The following FANK1 variants were observed in gnomAD, a reference collection of about 807,000 sequenced individuals.
FANK1 encodes fibronectin type 3 and ankyrin repeat domains protein 1.
A neutral mutation model predicts 45.3 loss-of-function variants in FANK1; 44 were observed. The observed-to-expected ratio is 0.97, with a 90% CI of 0.76 to 1.25. The LOEUF (loss-of-function observed/expected upper bound fraction) is 1.25. Among genes scored for constraint, FANK1 ranks in the 50% most tolerant of loss-of-function variants. The pLI is 0.00. For synonymous variants in FANK1, 149 were observed against 152.5 expected, an observed-to-expected ratio of 0.98 and a Z score of 0.17; for missense variants, 391 against 424.4, an observed-to-expected ratio of 0.92 and a Z score of 0.69.
intron 1 of FANK1, among the ~76,000 whole-genome samples, chr10:125,978,515 G>A (rs1039171305): frequency 1.3e-5 from 2 of 151,612 alleles, no homozygotes; most frequent in South Asian, 4.2e-4. Context: ...TGGACAGCTC[G>A]GGCAGGGGTG....
chr10:125,918,585 A>AATATATATATATAT lies in FANK1; in HGVS notation c.13+21940_13+21953dup, dbSNP rs1197525883. On this transcript the variant is annotated intron_variant, in intron 1 of 10. Transcript: ENST00000368693. ...AAAAAAAAAAAAAAAAAAAAAAAAAAATATATATATATATATATATATAGT... is the reference window on the plus strand; with the variant it reads ...AAAAAAAAAAAAAAAAAAAAAAAAAAATATATATATATATATATATATATATATATATATATAGT... 5.8e-4 allele frequency among the ~76,000 whole-genome samples: 41 copies of AATATATATATATAT among 70,972 alleles called. 1 individual carries two copies. The highest frequency in any genetic ancestry group is 2.5e-3 in the African/African-American group (32 of 12,596). 46.6% of individuals were successfully genotyped at this position (70,972 alleles called of 152,430 possible). A position where few individuals can be genotyped will look rare whatever the true frequency, so the allele number is the denominator to read the frequency against.
At chr10:125,944,324 A>T (rs1365479711) in intron 1 of FANK1, among the ~76,000 whole-genome samples, 1 of 152,220 alleles carries the variant, frequency 6.6e-6, no homozygotes, top group Non-Finnish European at 1.5e-5. Flanking sequence ...AATAAAAGTC[A>T]TATTTGTCCT....
chr10:125,937,183 G>A (rs116287142), intron 1 of FANK1, among the ~76,000 whole-genome samples: 520 of 152,262 alleles, frequency 3.4e-3, no homozygotes, highest in African/African-American at 0.012. Context: ...TAGGTTATAT[G>A]GTATGTATGT....
At chr10:125,903,481 C>G (rs1213871138) in intron 1 of FANK1, among the ~76,000 whole-genome samples, 2 of 152,248 alleles carry the variant, frequency 1.3e-5, no homozygotes, top group South Asian at 2.1e-4. Flanking sequence ...TCTTCCAGGC[C>G]TTTTCTTGGG....
chr10:125,984,120 C>G (rs1415858426), intron 2 of FANK1, among the ~76,000 whole-genome samples: 1 of 152,156 alleles, frequency 6.6e-6, no homozygotes, highest in Non-Finnish European at 1.5e-5. Context: ...AGTGATGCTG[C>G]TGGAAGCATC....
intron 3 of FANK1, chr10:125,994,457 T>C: frequency 1.0e-6 from 1 of 985,250 alleles, no homozygotes; most frequent in Admixed American, 6.1e-5. Flanking sequence ...CGTTTGCGGA[T>C]GAGGGGCTGG....
intron 3 of FANK1, chr10:125,994,824 A>G: frequency 1.0e-6 from 1 of 985,082 alleles, no homozygotes; most frequent in Non-Finnish European, 1.2e-6. Flanking sequence ...TTGTTCTTTT[A>G]GGCTTCTGGA....
At chr10:125,924,716 G>A (rs532213138) in intron 1 of FANK1, among the ~76,000 whole-genome samples, 1 of 151,438 alleles carries the variant, frequency 6.6e-6, no homozygotes, top group African/African-American at 2.4e-5. Flanking sequence ...GGCTGAGGTG[G>A]GAGGCTCACT....
chr10:125,915,257 A>G (rs1047908641), intron 1 of FANK1, among the ~76,000 whole-genome samples: 2 of 138,780 alleles, frequency 1.4e-5, no homozygotes, highest in Non-Finnish European at 3.1e-5. Flanking sequence ...GAAAACTATC[A>G]TTCATATAGA....
chr10:125,953,735 G>A (rs1949398680), intron 1 of FANK1, among the ~76,000 whole-genome samples: 1 of 152,136 alleles, frequency 6.6e-6, no homozygotes, highest in East Asian at 1.9e-4. Flanking sequence ...TAGCTTTGTG[G>A]TTCAGATGCT....
rs1459199607 is a variant in FANK1 at position 126,009,192 on chromosome 10, A to AT, written c.928-29dup. 3 of 1,614,078 alleles carry AT rather than the reference A, an allele frequency of 1.9e-6. No homozygotes were observed. The African/African-American group carries it at 4.0e-5, about 22-fold the overall frequency. Reference sequence around the variant, plus strand: ...GGAGGGGGAGAAAACATTTATAAGCATGTAAAATTTTTGTTGTTTCCTGTT... The same window carrying AT: ...GGAGGGGGAGAAAACATTTATAAGCATTGTAAAATTTTTGTTGTTTCCTGTT... On this transcript the variant is annotated intron_variant, in intron 9 of 10. Transcript: ENST00000368693.
intron 2 of FANK1, among the ~76,000 whole-genome samples, chr10:125,984,951 T>C (rs911669490): frequency 1.3e-5 from 2 of 152,258 alleles, no homozygotes; most frequent in African/African-American, 4.8e-5. Context: ...TCCCTGCGCC[T>C]GTGTTGTAAT....
intron 1 of FANK1, among the ~76,000 whole-genome samples, chr10:125,931,683 C>A (rs866315581): frequency 6.6e-6 from 1 of 152,186 alleles, no homozygotes; most frequent in Non-Finnish European, 1.5e-5. Flanking sequence ...GCTGACTGTT[C>A]TTTTGCCATG....
chr10:125,984,962 C>T (rs986684852), intron 2 of FANK1, among the ~76,000 whole-genome samples: 6 of 152,214 alleles, frequency 3.9e-5, no homozygotes, highest in African/African-American at 1.2e-4. Context: ...GTGTTGTAAT[C>T]GCTGTAGAGT....
chr10:125,971,069 TTAG>T (rs1950486566), intron 1 of FANK1, among the ~76,000 whole-genome samples: 1 of 152,222 alleles, frequency 6.6e-6, no homozygotes, highest in African/African-American at 2.4e-5. Context: ...TGTTCATGTA[TTAG>T]TAGTAAATTC....
intron 1 of FANK1, among the ~76,000 whole-genome samples, chr10:125,945,620 A>C (rs568942601): frequency 6.6e-6 from 1 of 152,318 alleles, no homozygotes; most frequent in South Asian, 2.1e-4. Context: ...AATCTCGCTG[A>C]CTGCTAGCAC....
intron 1 of FANK1, among the ~76,000 whole-genome samples, chr10:125,950,931 G>A (rs1379750413): frequency 8.6e-5 from 13 of 151,044 alleles, no homozygotes; most frequent in African/African-American, 1.5e-4. Flanking sequence ...TGATGAGTTC[G>A]CGTCCTTTGT....
At chr10:125,969,487 T>A (rs1950361938) in intron 1 of FANK1, among the ~76,000 whole-genome samples, 1 of 152,230 alleles carries the variant, frequency 6.6e-6, no homozygotes, top group African/African-American at 2.4e-5. Context: ...TGTATCTGTT[T>A]TATAAAACTT....
At chr10:125,951,440 A>G (rs1326346175) in intron 1 of FANK1, among the ~76,000 whole-genome samples, 2 of 152,166 alleles carry the variant, frequency 1.3e-5, no homozygotes, top group Non-Finnish European at 2.9e-5. Context: ...TGTTGCTGTG[A>G]GTTGCTCATT....
Sources: gnomAD v4.1 joint callset for allele counts (sites outside exome capture counted in the v4.1 genomes callset) on GRCh38, gnomAD v4.1.1 for gene constraint, MANE v1.5 for transcripts, NCBI Gene and HGNC (gene_info 2026-07-23, HGNC 2026-07-21) for gene names.